ZNF462: variants seen among roughly 807,000 people sequenced by gnomAD.
ZNF462 encodes zinc finger PBX1-interacting protein.
Under a neutral mutation model 201.9 loss-of-function variants are expected in ZNF462, and 10 were observed. The observed-to-expected ratio is 0.05, with a 90% CI of 0.03 to 0.08. ZNF462 has a LOEUF of 0.08. ZNF462 is among the 10% of genes least tolerant of loss of function. The pLI is 1.00. For missense variants in ZNF462, 2,523 were observed against 3,168.3 expected (o/e 0.80, Z 4.89); for synonymous variants, 1,227 against 1,193.3 (o/e 1.03, Z -0.58).
rs76538466 is a variant in ZNF462 at position 106,871,467 on chromosome 9, G to C, written c.-31+8112G>C. 2.4e-3 allele frequency among the ~76,000 whole-genome samples: 359 copies of C among 152,342 alleles called. 4 individuals carry two copies. Among genetic ancestry groups the C allele is most frequent in the African/African-American group, 8.5e-3 (354 of 41,578 alleles). On this transcript the variant is annotated intron_variant, in intron 1 of 12. Transcript: ENST00000277225. ...AAAGAAGAGAAGCAGGAAAATAATT[G>C]ACTAGCCAAATTGAAGAAGTCTGTC... is the stretch of plus-strand genomic sequence containing the variant.
intron 7 of ZNF462, 69 bp downstream of exon 7, chr9:106,939,176 AT>A (rs1054031994): frequency 6.3e-5 from 87 of 1,382,046 alleles, no homozygotes; most frequent in African/African-American, 1.2e-4. Flanking sequence ...ATTGCCAATC[AT>A]TTTTTTTAGA....
intron 1 of ZNF462, among the ~76,000 whole-genome samples, chr9:106,916,542 C>G (rs1223302395): frequency 6.6e-6 from 1 of 152,152 alleles, no homozygotes; most frequent in African/African-American, 2.4e-5. Context: ...GATTTTCTGT[C>G]TCTGCTGTTT....
rs1309612402 is a variant in ZNF462 at position 107,005,269 on chromosome 9, A to T, written c.7189+1843A>T. Among the ~76,000 whole-genome samples, 1 of 152,114 alleles carries T rather than the reference A, an allele frequency of 6.6e-6. No individual in the cohort carries two copies. The highest frequency in any genetic ancestry group is 1.5e-5 in the Non-Finnish European group (1 of 68,020). On this transcript the variant is annotated intron_variant, in intron 11 of 12. Coordinates refer to ENST00000277225, the MANE Select transcript of ZNF462 (RefSeq NM_021224.6). The surrounding 1 kb of genome is among the most constrained non-coding windows in gnomAD (Gnocchi z 4.4). ...AGATCAATGTGGTAGTTCTACTTTT[A>T]ACTGATTGAGGAACCTCCATGCTGT... is the stretch of plus-strand genomic sequence containing the variant.
upstream of ZNF462, among the ~76,000 whole-genome samples, chr9:106,861,377 G>C (rs746478297): frequency 6.6e-6 from 1 of 152,104 alleles, no homozygotes; most frequent in Admixed American, 6.5e-5. Flanking sequence ...CTGTTGCTTG[G>C]GGGGAGGGAG....
At position 106,935,939 on chromosome 9, in the gene ZNF462, T is replaced by G. The variant is rs16925948; in HGVS notation, c.6235+318T>G. On this transcript the variant is annotated intron_variant, in intron 6 of 12. Transcript: ENST00000277225. The surrounding 1 kb of genome is among the most constrained non-coding windows in gnomAD (Gnocchi z 4.1). ...TTCTAAACTGCCTATACTTTCTAAT[T>G]CAATTGCCAAGAATTGTTATATCTA... is the stretch of plus-strand genomic sequence containing the variant. Among the ~76,000 whole-genome samples the G allele has an allele frequency of 0.042, 6,333 of 152,304 alleles. 407 individuals are homozygous for G. Among genetic ancestry groups the G allele is most frequent in the African/African-American group, 0.14 (5,791 of 41,538 alleles).
rs1274572981 is a variant in ZNF462 at position 106,968,879 on chromosome 9, A to G, written c.6428-3126A>G. On this transcript the variant is annotated intron_variant, in intron 7 of 12. Coordinates refer to ENST00000277225, the MANE Select transcript of ZNF462 (RefSeq NM_021224.6). This position sits in a 1 kb window ranked among gnomAD's most constrained non-coding sequence, Gnocchi z 4.0. ...TGTGACATGCCCTTCGCAGCTAACA[A>G]TCTGTTTGCCTTTCTAACCTGGGCA... is the stretch of plus-strand genomic sequence containing the variant. Among the ~76,000 whole-genome samples the G allele has an allele frequency of 6.6e-6, 1 of 152,170 alleles. No individual in the cohort carries two copies. The highest frequency in any genetic ancestry group is 1.5e-5 in the Non-Finnish European group (1 of 68,018).
chr9:106,929,859 G>A lies in ZNF462; in HGVS notation c.5847+100G>A. Reference sequence around the variant, plus strand: ...CAGCCAAACTGCTGCAGGCTTCCTAGTGACTTAGCTTGCCAGAGAGCTCAA... The same window carrying A: ...CAGCCAAACTGCTGCAGGCTTCCTAATGACTTAGCTTGCCAGAGAGCTCAA... On this transcript the variant is annotated intron_variant, in intron 3 of 12. Coordinates refer to ENST00000277225, the MANE Select transcript of ZNF462 (RefSeq NM_021224.6). This position sits in a 1 kb window ranked among gnomAD's most constrained non-coding sequence, Gnocchi z 8.7. The A allele has an allele frequency of 9.0e-7, 1 of 1,105,728 alleles. No homozygotes were observed. 68.5% of individuals were successfully genotyped at this position (1,105,728 alleles called of 1,614,324 possible). A position where few individuals can be genotyped will look rare whatever the true frequency, so the allele number is the denominator to read the frequency against.
rs1052485688 is a variant in ZNF462, at chr9:106,968,921, C to T, written c.6428-3084C>T. ...ACCTGGGCACAGAACGACCTCCTTC[C>T]TGCTCTTCAGGCCATGCTTCATGAA... On this transcript the variant is annotated intron_variant, in intron 7 of 12. Coordinates refer to ENST00000277225, the MANE Select transcript of ZNF462 (RefSeq NM_021224.6). The surrounding 1 kb of genome is among the most constrained non-coding windows in gnomAD (Gnocchi z 4.0). 6.6e-6 allele frequency among the ~76,000 whole-genome samples: 1 copy of T among 152,212 alleles called. No homozygotes were observed. The highest frequency in any genetic ancestry group is 2.4e-5 in the African/African-American group (1 of 41,464).
intron 1 of ZNF462, among the ~76,000 whole-genome samples, chr9:106,897,409 C>CT (rs1828857824): frequency 6.6e-6 from 1 of 152,088 alleles, no homozygotes; most frequent in South Asian, 2.1e-4. Context: ...GACAAGATAA[C>CT]TTTGTCTACA....
chr9:106,982,112 C>T (rs999517275), intron 9 of ZNF462, among the ~76,000 whole-genome samples: 2 of 152,214 alleles, frequency 1.3e-5, no homozygotes, highest in Non-Finnish European at 2.9e-5. Flanking sequence ...CCTGCATGCC[C>T]CATCTCTTGC....
At chr9:106,864,039 G>GCTCTCTCTCTCTCTCTCTCT in intron 1 of ZNF462, among the ~76,000 whole-genome samples, 1 of 22,760 alleles carries the variant, frequency 4.4e-5, no homozygotes, top group East Asian at 1.3e-3. Flanking sequence ...CAGGTATTTG[G>GCTCTCTCTCTCTCTCTCTCT]CTCTCTCTCT....
intron 10 of ZNF462, among the ~76,000 whole-genome samples, chr9:107,000,138 C>T (rs1353646669): frequency 6.6e-6 from 1 of 151,874 alleles, no homozygotes; most frequent in African/African-American, 2.4e-5. Flanking sequence ...GAGTGTCAGA[C>T]AGGTGAGATG....
chr9:106,936,075 C>T (rs1039999397), intron 6 of ZNF462, among the ~76,000 whole-genome samples: 3 of 152,198 alleles, frequency 2.0e-5, no homozygotes, highest in Non-Finnish European at 2.9e-5. Context: ...GATATGTTTC[C>T]GTACATAAGA....
intron 7 of ZNF462, among the ~76,000 whole-genome samples, chr9:106,946,065 A>G (rs1478891457): frequency 6.6e-6 from 1 of 152,224 alleles, no homozygotes; most frequent in Non-Finnish European, 1.5e-5. Context: ...CTGGGAACTT[A>G]GTCAACTAAT....
At chr9:106,976,542 A>G (rs370556504) in intron 9 of ZNF462, 5 of 152,320 alleles carry the variant, frequency 3.3e-5, no homozygotes, top group African/African-American at 1.2e-4. Context: ...AGTCAATCGC[A>G]GTCCTTTGAT....
chr9:106,875,604 T>G (rs1416120840), intron 1 of ZNF462, among the ~76,000 whole-genome samples: 2 of 152,182 alleles, frequency 1.3e-5, no homozygotes, highest in Non-Finnish European at 2.9e-5. Context: ...TTGCTGCCAG[T>G]GTATTCTAGT....
rs1829742023 is a variant in ZNF462 at position 107,008,811 on chromosome 9, C to T, written c.7190-734C>T. The stretch of plus-strand genomic sequence containing the variant: ...ATATTTGATGTTTACAACAGACCGT[C>T]CAGAAATGTCTGCATATCCCCGTAT... On this transcript the variant is annotated intron_variant, in intron 11 of 12. Transcript: ENST00000277225. This position sits in a 1 kb window ranked among gnomAD's most constrained non-coding sequence, Gnocchi z 4.8. Among the ~76,000 whole-genome samples the T allele has an allele frequency of 6.6e-6, 1 of 152,296 alleles. No individual in the cohort carries two copies. The highest frequency in any genetic ancestry group is 2.1e-4 in the South Asian group (1 of 4,816).
chr9:106,956,322 G>A lies in ZNF462; in HGVS notation c.6428-15683G>A, dbSNP rs190996859. Among the ~76,000 whole-genome samples, 4 of 152,210 alleles carry A rather than the reference G, an allele frequency of 2.6e-5. No individual in the cohort carries two copies. The South Asian group carries it at 6.2e-4, about 24-fold the overall frequency. On this transcript the variant is annotated intron_variant, in intron 7 of 12. Transcript: ENST00000277225. ...TGATGAAGTTCATTGCCAATGAGTA[G>A]TAACATTTTGAAAGGAATCTTTTTT...
Position 106,984,400 on chromosome 9 carries a change from T to A in ZNF462, c.7047T>A (p.Asp2349Glu), listed in dbSNP as rs757546453. The stretch of plus-strand genomic sequence containing the variant: ...AGGAACTGGACAGCCACCTTCGGGA[T>A]GAGCATAAGGTACTTACCAGGACTT... ...HTEELDSHLR[D>E]EHKVSRNFEL... Residue 2349 changes from aspartate to glutamate, a missense_variant, in exon 10 of 13, where the codon GAT becomes GAA. Transcript: ENST00000277225. This position sits in a 1 kb window ranked among gnomAD's most constrained non-coding sequence, Gnocchi z 6.4. The A allele has an allele frequency of 6.2e-7, 1 of 1,612,834 alleles. No homozygotes were observed. Among genetic ancestry groups the A allele is most frequent in the East Asian group, 2.2e-5 (1 of 44,864 alleles).
Sources: allele counts gnomAD v4.1 joint callset (sites outside exome capture counted in the v4.1 genomes callset), GRCh38; gene constraint gnomAD v4.1.1; non-coding constraint Gnocchi (gnomAD v3.1); transcripts MANE v1.5; gene names NCBI Gene and HGNC (gene_info 2026-07-23, HGNC 2026-07-21).